PKHD1: variants seen among roughly 807,000 people sequenced by gnomAD.
PKHD1 encodes fibrocystin.
A neutral mutation model predicts 412.0 loss-of-function variants in PKHD1; 291 were observed. The observed-to-expected ratio is 0.71, with a 90% CI of 0.64 to 0.78. The LOEUF (loss-of-function observed/expected upper bound fraction) is 0.78. PKHD1 is among the 30% of genes least tolerant of loss of function. PKHD1 has a pLI of 0.00. For missense variants in PKHD1, 4,825 were observed against 4,950.7 expected, an observed-to-expected ratio of 0.97 and a Z score of 0.76; for synonymous variants, 1,777 against 1,821.5, an observed-to-expected ratio of 0.98 and a Z score of 0.62.
intron 60 of PKHD1, among the ~76,000 whole-genome samples, chr6:51,702,914 G>A (rs1193272198): frequency 5.7e-5 from 8 of 139,758 alleles, no homozygotes; most frequent in South Asian, 2.2e-4. Context: ...TTTTGCTTGC[G>A]GTTACCTTCA....
intron 43 of PKHD1, among the ~76,000 whole-genome samples, chr6:51,895,885 C>G (rs1318426106): frequency 2.6e-5 from 4 of 152,058 alleles, no homozygotes; most frequent in African/African-American, 9.7e-5. Flanking sequence ...GTTCCCTTTC[C>G]TAGTCAAACA....
At position 51,993,885 on chromosome 6, in the gene PKHD1, G is replaced by A. The variant is rs913864100; in HGVS notation, c.5751+16424C>T. On this transcript the variant is annotated intron_variant, in intron 35 of 66. Transcript: ENST00000371117. ...AGACAGAATCAGACAGTGTCAAAGT[G>A]GAAAGGGAGCTAAAAATGACCTAGC... Among the ~76,000 whole-genome samples the A allele has an allele frequency of 2.2e-4, 34 of 152,064 alleles. 1 individual carries two copies. The highest frequency in any genetic ancestry group is 8.0e-4 in the African/African-American group (33 of 41,370).
chr6:52,031,345 A>T (rs1258125625), intron 29 of PKHD1, among the ~76,000 whole-genome samples: 1 of 152,214 alleles, frequency 6.6e-6, no homozygotes, highest in African/African-American at 2.4e-5. Context: ...GCCTCAGTTA[A>T]TCACAGGCTG....
chr6:51,733,413 G>A (rs573615839), intron 60 of PKHD1, among the ~76,000 whole-genome samples: 1 of 151,918 alleles, frequency 6.6e-6, no homozygotes, highest in South Asian at 2.1e-4. Flanking sequence ...GGTGGTGGGA[G>A]CCTGTAGTCC....
intron 64 of PKHD1, among the ~76,000 whole-genome samples, chr6:51,632,925 A>C (rs1236637916): frequency 1.3e-5 from 2 of 152,200 alleles, no homozygotes; most frequent in Non-Finnish European, 2.9e-5. Context: ...ACAATAACAC[A>C]TAATAGTTAT....
chr6:51,712,175 T>C (rs151134762), intron 60 of PKHD1, among the ~76,000 whole-genome samples: 3 of 152,340 alleles, frequency 2.0e-5, no homozygotes, highest in Admixed American at 2.0e-4. Context: ...GTCGTTAACA[T>C]GATCTCTGTT....
Position 51,777,699 on chromosome 6 carries a change from A to G in PKHD1, c.8441-1778T>C, listed in dbSNP as rs1166925019. Among the ~76,000 whole-genome samples the G allele has an allele frequency of 1.6e-3, 44 of 27,948 alleles. No individual in the cohort carries two copies. In the East Asian group the frequency reaches 0.17, roughly 107 times the overall value. 18.3% of individuals were successfully genotyped at this position (27,948 alleles called of 152,430 possible). On this transcript the variant is annotated intron_variant, in intron 53 of 66. Transcript: ENST00000371117. ...TTTGGGAAAAAAAAAAAAAAAAAAA[A>G]AAAAAAAAAAAAAAGTGGCCTAGCA...
chr6:52,065,155 A>ATATATATG (rs1318195787), intron 12 of PKHD1, 105 bp from the exon 13 acceptor site: 18 of 106,236 alleles, frequency 1.7e-4, no homozygotes, highest in Non-Finnish European at 3.2e-4. Context: ...ATATATATAT[A>ATATATATG]TATATATATA....
chr6:51,676,269 A>G (rs1775841063), intron 60 of PKHD1, among the ~76,000 whole-genome samples: 1 of 149,578 alleles, frequency 6.7e-6, no homozygotes, highest in Non-Finnish European at 1.5e-5. Flanking sequence ...AAAAACTTCT[A>G]TTCTTTATTT....
intron 55 of PKHD1, among the ~76,000 whole-genome samples, chr6:51,762,747 A>C (rs906352374): frequency 2.6e-5 from 4 of 151,968 alleles, no homozygotes; most frequent in Admixed American, 2.0e-4. Flanking sequence ...TATTAGAAAG[A>C]CAAAGACTTA....
intron 35 of PKHD1, among the ~76,000 whole-genome samples, chr6:51,994,514 C>T (rs1017044858): frequency 6.6e-6 from 1 of 152,146 alleles, no homozygotes; most frequent in Non-Finnish European, 1.5e-5. Context: ...TTGATTTTGT[C>T]CAGTTACAGA....
chr6:51,965,620 T>C (rs746468445), intron 35 of PKHD1, among the ~76,000 whole-genome samples: 1 of 152,068 alleles, frequency 6.6e-6, no homozygotes, highest in Non-Finnish European at 1.5e-5. Flanking sequence ...CATGAGAATG[T>C]CCTTCCACAC....
At chr6:51,720,312 G>A (rs1265399463) in intron 60 of PKHD1, among the ~76,000 whole-genome samples, 1 of 152,074 alleles carries the variant, frequency 6.6e-6, no homozygotes, top group East Asian at 1.9e-4. Context: ...AAGAAAAAAG[G>A]AAAATCTCAT....
chr6:51,630,803 A>T (rs1004371849), intron 65 of PKHD1, among the ~76,000 whole-genome samples: 1 of 152,220 alleles, frequency 6.6e-6, no homozygotes, highest in African/African-American at 2.4e-5. Flanking sequence ...AATCACTTAT[A>T]CAGATCTGAC....
At chr6:51,669,955 C>T (rs1353727587) in intron 60 of PKHD1, among the ~76,000 whole-genome samples, 1 of 150,866 alleles carries the variant, frequency 6.6e-6, no homozygotes, top group Non-Finnish European at 1.5e-5. Flanking sequence ...CTGAGGAGAG[C>T]TTTACTTCCA....
At chr6:51,777,655 C>T (rs574049582) in intron 53 of PKHD1, among the ~76,000 whole-genome samples, 44 of 125,898 alleles carry the variant, frequency 3.5e-4, no homozygotes, top group African/African-American at 1.0e-3. Flanking sequence ...ATTTATTTCA[C>T]GGAGGGTAGT....
At chr6:51,944,272 T>C (rs917060839) in intron 36 of PKHD1, among the ~76,000 whole-genome samples, 1 of 151,234 alleles carries the variant, frequency 6.6e-6, no homozygotes, top group Non-Finnish European at 1.5e-5. Flanking sequence ...ACCCCCCTTT[T>C]TCCTTTACCT....
intron 45 of PKHD1, among the ~76,000 whole-genome samples, chr6:51,884,568 G>A (rs1777904038): frequency 6.6e-6 from 1 of 152,120 alleles, no homozygotes; most frequent in Non-Finnish European, 1.5e-5. Context: ...CTATAAAAGT[G>A]CAATTCCAAG....
At chr6:51,813,040 T>C (rs1764932260) in intron 52 of PKHD1, among the ~76,000 whole-genome samples, 2 of 152,156 alleles carry the variant, frequency 1.3e-5, no homozygotes, top group South Asian at 2.1e-4. Flanking sequence ...AACCAATGTA[T>C]ACCTGACATG....
Sources: gnomAD v4.1 joint callset for allele counts (sites outside exome capture counted in the v4.1 genomes callset) on GRCh38, gnomAD v4.1.1 for gene constraint, MANE v1.5 for transcripts, NCBI Gene and HGNC (gene_info 2026-07-23, HGNC 2026-07-21) for gene names.